Variants in CHD6 observed in about 807,000 individuals in gnomAD.
The protein encoded by CHD6 is ATP-dependent chromatin remodeler CHD6.
CHD6 carries 50 observed loss-of-function variants against 276.9 expected under a neutral mutation model. The observed-to-expected ratio is 0.18, with a 90% CI of 0.14 to 0.23. The LOEUF is 0.23. Among genes scored for constraint, CHD6 ranks in the 10% least tolerant of loss-of-function variants. The pLI is 1.00. For synonymous variants in CHD6, 1,173 were observed against 1,229.3 expected (o/e 0.95, Z 0.96); for missense variants, 2,564 against 3,365.8 (o/e 0.76, Z 5.89).
intron 1 of CHD6, among the ~76,000 whole-genome samples, chr20:41,617,622 T>C (rs938097368): frequency 1.3e-5 from 2 of 152,108 alleles, no homozygotes; most frequent in African/African-American, 4.8e-5. Context: ...GACAGATAGA[T>C]CTTTTTTTAA....
At chr20:41,488,857 G>A (rs1252091065) in intron 12 of CHD6, among the ~76,000 whole-genome samples, 7 of 152,204 alleles carry the variant, frequency 4.6e-5, no homozygotes, top group South Asian at 2.1e-4. Context: ...CAATATGGAA[G>A]GCACAGCAAG....
chr20:41,603,736 G>A (rs757213041), intron 1 of CHD6, among the ~76,000 whole-genome samples: 3 of 152,046 alleles, frequency 2.0e-5, no homozygotes, highest in Non-Finnish European at 4.4e-5. Flanking sequence ...GCTTGGCGGT[G>A]TGCACCTGTA....
intron 25 of CHD6, among the ~76,000 whole-genome samples, chr20:41,444,035 G>A (rs2047985194): frequency 6.6e-6 from 1 of 152,124 alleles, no homozygotes; most frequent in Non-Finnish European, 1.5e-5. Flanking sequence ...TGCCATGCAG[G>A]GACTTGGCAA....
intron 17 of CHD6, among the ~76,000 whole-genome samples, chr20:41,460,534 G>A (rs1034741110): frequency 1.3e-5 from 2 of 152,212 alleles, no homozygotes; most frequent in African/African-American, 2.4e-5. Context: ...TCCAGCCATG[G>A]CTGAAAGGGG....
chr20:41,451,778 A>C (rs1284176174), intron 22 of CHD6, 48 bp downstream of exon 22: 2 of 1,515,334 alleles, frequency 1.3e-6, no homozygotes, highest in Admixed American at 1.7e-5. Flanking sequence ...AGAGGGGATG[A>C]AGTGCATGGG....
intron 35 of CHD6, 144 bp downstream of exon 35, chr20:41,413,180 T>C: frequency 1.8e-6 from 1 of 547,790 alleles, no homozygotes; most frequent in South Asian, 3.7e-5. Flanking sequence ...AAAACAAAAG[T>C]CCTTTAACAT....
intron 1 of CHD6, chr20:41,614,783 G>C (rs931568340): frequency 7.9e-5 from 12 of 152,268 alleles, no homozygotes; most frequent in Admixed American, 7.8e-4. Context: ...CCAAAGAAAA[G>C]AACATTTTGG....
At chr20:41,498,895 G>C (rs1381156220) in intron 6 of CHD6, among the ~76,000 whole-genome samples, 1 of 151,238 alleles carries the variant, frequency 6.6e-6, no homozygotes, top group East Asian at 1.9e-4. Flanking sequence ...GGTTGGTCTT[G>C]AACTACTGGG....
chr20:41,479,619 T>C (rs1245268169), intron 16 of CHD6, among the ~76,000 whole-genome samples: 2 of 151,806 alleles, frequency 1.3e-5, no homozygotes, highest in Non-Finnish European at 2.9e-5. Context: ...AGAAAACAGA[T>C]GAAGATAAAA....
intron 5 of CHD6, among the ~76,000 whole-genome samples, chr20:41,509,183 G>A (rs983163825): frequency 1.3e-5 from 2 of 152,080 alleles, no homozygotes; most frequent in Admixed American, 6.6e-5. Flanking sequence ...AATAAGTGGT[G>A]CAACGATCCC....
intron 36 of CHD6, among the ~76,000 whole-genome samples, chr20:41,409,863 A>G (rs2046791458): frequency 6.6e-6 from 1 of 152,206 alleles, no homozygotes; most frequent in Non-Finnish European, 1.5e-5. Flanking sequence ...CAAAACCTCA[A>G]AACTATACAC....
chr20:41,441,857 C>G (rs1053008788), intron 25 of CHD6, among the ~76,000 whole-genome samples: 1 of 152,188 alleles, frequency 6.6e-6, no homozygotes, highest in African/African-American at 2.4e-5. Context: ...CCTCTTTTCA[C>G]TTTTAGTCTA....
chr20:41,605,959 A>G (rs116713311), intron 1 of CHD6, among the ~76,000 whole-genome samples: 8 of 152,372 alleles, frequency 5.3e-5, no homozygotes, highest in African/African-American at 1.9e-4. Flanking sequence ...CAAGGTACAA[A>G]GAATGGGCCA....
intron 1 of CHD6, among the ~76,000 whole-genome samples, chr20:41,581,137 A>G (rs957229582): frequency 6.6e-5 from 10 of 152,244 alleles, no homozygotes; most frequent in African/African-American, 2.2e-4. Flanking sequence ...TTAATAATTA[A>G]GGTAGAATGC....
chr20:41,416,744 C>G lies in CHD6; in HGVS notation c.6330G>C (p.Lys2110Asn). 1 of 1,610,882 alleles carries G rather than the reference C, an allele frequency of 6.2e-7. No homozygotes were observed. Reference protein sequence around the residue: ...RLDNICHVVLKGKWPSSQQYE... With the variant: ...RLDNICHVVLNGKWPSSQQYE... Reference sequence around the variant, plus strand: ...ACTGCTGGCTAGAGGGCCACTTCCCCTTTAACACCACGTGGCAGATATTAT... The same window carrying G: ...ACTGCTGGCTAGAGGGCCACTTCCCGTTTAACACCACGTGGCAGATATTAT... The change falls in exon 33 of 37, where the codon AAG (lysine) becomes AAC (asparagine). Residue 2110 changes from lysine (K) to asparagine (N), a missense_variant. Around this residue, in one of 7 missense-constraint regions of CHD6, gnomAD observed 1,024 missense variants for 1,047.9 expected, o/e 0.98. Transcript: ENST00000373233.
rs535710674 is a variant in CHD6, at chr20:41,504,408, T to C, written c.853-5051A>G. Among the ~76,000 whole-genome samples, 19 of 84,578 alleles carry C rather than the reference T, an allele frequency of 2.2e-4. No homozygotes were observed. In the East Asian group the frequency reaches 4.3e-3, roughly 19 times the overall value. The allele number at this position is 84,578 out of a possible 152,430, so 55.5% of individuals were successfully genotyped here. Reference sequence around the variant, plus strand: ...TCCATCTTTTCCTCTATTTTCTTTTTTTTTTTTTTTTTTTTTTTAGACAGG... The same window carrying C: ...TCCATCTTTTCCTCTATTTTCTTTTCTTTTTTTTTTTTTTTTTTAGACAGG... On this transcript the variant is annotated intron_variant, in intron 5 of 36. Coordinates refer to ENST00000373233, the MANE Select transcript of CHD6 (RefSeq NM_032221.5).
intron 3 of CHD6, among the ~76,000 whole-genome samples, chr20:41,517,235 ATATGGAC>A (rs1362891093): frequency 3.3e-5 from 5 of 152,294 alleles, no homozygotes; most frequent in Admixed American, 6.5e-5. Context: ...TGATGAGAAT[ATATGGAC>A]ACATAGAGGG....
chr20:41,411,747 G>T (rs369225132), intron 36 of CHD6, among the ~76,000 whole-genome samples: 2 of 152,170 alleles, frequency 1.3e-5, no homozygotes, highest in African/African-American at 4.8e-5. Context: ...GGCTGGACCA[G>T]GAAGAAATGT....
In CHD6 at chr20:41,503,928, A is replaced by T. The variant is rs192922197; in HGVS notation, c.853-4571T>A. Among the ~76,000 whole-genome samples the T allele has an allele frequency of 1.5e-3, 230 of 151,970 alleles. 1 individual carries two copies. The Middle Eastern group carries it at 0.02, about 13-fold the overall frequency. ...CCCCATCTCTACTAAAAATACAAAA[A>T]TTAGCTGGGCATAGTGGCGCACACC... On this transcript the variant is annotated intron_variant, in intron 5 of 36. Coordinates refer to ENST00000373233, the MANE Select transcript of CHD6 (RefSeq NM_032221.5).
Sources: gnomAD v4.1 joint callset for allele counts (sites outside exome capture counted in the v4.1 genomes callset) on GRCh38, gnomAD v4.1.1 for gene constraint, gnomAD v4.1.1 regional missense constraint, MANE v1.5 for transcripts, NCBI Gene and HGNC (gene_info 2026-07-23, HGNC 2026-07-21) for gene names.